NSD2: variants seen among roughly 807,000 people sequenced by gnomAD.
NSD2 encodes the protein nuclear receptor binding SET domain protein 2, also known as histone-lysine N-methyltransferase NSD2.
Under a neutral mutation model 139.0 loss-of-function variants are expected in NSD2, and 12 were observed. That is an observed-to-expected ratio of 0.09 (90% confidence interval 0.06 to 0.14). The LOEUF is 0.14. NSD2 is among the 10% of genes least tolerant of loss of function. NSD2 has a pLI of 1.00. For synonymous variants in NSD2, 669 were observed against 648.7 expected, an observed-to-expected ratio of 1.03 and a Z score of -0.48; for missense variants, 1,155 against 1,745.0, an observed-to-expected ratio of 0.66 and a Z score of 6.02.
At chr4:1,963,729 A>G (rs1231942990) in intron 18 of NSD2, among the ~76,000 whole-genome samples, 1 of 152,230 alleles carries the variant, frequency 6.6e-6, no homozygotes, top group Non-Finnish European at 1.5e-5. Context: ...AAAACAAAAA[A>G]CAAGCTGGGC....
chr4:1,878,833 C>T (rs148295638), intron 1 of NSD2, among the ~76,000 whole-genome samples: 2 of 152,222 alleles, frequency 1.3e-5, no homozygotes, highest in Non-Finnish European at 2.9e-5. Context: ...GCACAGGAGG[C>T]AAGGCTGGGA....
intron 1 of NSD2, among the ~76,000 whole-genome samples, chr4:1,871,801 C>A (rs531084407): frequency 2.9e-5 from 4 of 137,974 alleles, no homozygotes; most frequent in East Asian, 2.2e-4. Flanking sequence ...GAGGACCGGG[C>A]GGACCGCGGA....
chr4:1,934,909 A>ATATATATATATATAT (rs1491516751), intron 6 of NSD2, among the ~76,000 whole-genome samples: 2 of 117,496 alleles, frequency 1.7e-5, no homozygotes, highest in South Asian at 2.9e-4. Context: ...ATATATATAT[A>ATATATATATATATAT]AAAAACAGAT....
In NSD2 at chr4:1,900,852, C is replaced by T. The variant is rs140040537; in HGVS notation, c.198C>T (p.Asn66=). 7.0e-3 allele frequency: 11,279 copies of T among 1,613,608 alleles called. 50 individuals are homozygous for T. Among genetic ancestry groups the T allele is most frequent in the Non-Finnish European group, 8.5e-3 (10,052 of 1,179,702 alleles). Residue 66 remains asparagine (N), a synonymous_variant, in exon 2 of 22, where the codon AAC becomes AAT. Transcript: ENST00000508803. ...AGGAGGGGGTCATGCAGAAGTTTAACGGCCACGACGCCCTGCCCTTTATTC... is the reference window on the plus strand; with the variant it reads ...AGGAGGGGGTCATGCAGAAGTTTAATGGCCACGACGCCCTGCCCTTTATTC... ...SLQEGVMQKF[N]GHDALPFIPA... is the part of the protein sequence containing the mutation.
Position 1,942,942 on chromosome 4 carries a change from GTT to G in NSD2, c.1881+3167_1881+3168del, listed in dbSNP as rs1363372534. 39 of 1,053,416 alleles carry G rather than the reference GTT, an allele frequency of 3.7e-5. No homozygotes were observed. The highest frequency in any genetic ancestry group is 4.3e-4 in the Middle Eastern group (1 of 2,316). The allele number at this position is 1,053,416 out of a possible 1,614,324, so 65.3% of individuals were successfully genotyped here. On this transcript the variant is annotated intron_variant, in intron 9 of 21. Coordinates refer to ENST00000508803, the MANE Select transcript of NSD2 (RefSeq NM_001042424.3). This position sits in a 1 kb window ranked among gnomAD's most constrained non-coding sequence, Gnocchi z 4.0. ...TGATTCTATCCTTTTTTACTAAACA[GTT>G]TTATTATGACACTAGATACAGTAAA...
At chr4:1,917,251 C>T (rs1336416916) in intron 4 of NSD2, among the ~76,000 whole-genome samples, 1 of 151,152 alleles carries the variant, frequency 6.6e-6, no homozygotes, top group Admixed American at 6.6e-5. Context: ...TTTGATGACT[C>T]TCAGAGATAA....
chr4:1,894,162 G>A (rs1715920540), intron 1 of NSD2, among the ~76,000 whole-genome samples: 1 of 151,962 alleles, frequency 6.6e-6, no homozygotes, highest in African/African-American at 2.4e-5. Flanking sequence ...TTACTATGTT[G>A]GCCAGGCTGG....
rs138957998 is a variant in NSD2 at position 1,944,824 on chromosome 4, T to G, written c.1881+5046T>G. On this transcript the variant is annotated intron_variant, in intron 9 of 21. Transcript: ENST00000508803. ...TCAGTGTTCATGCAAAAATTAAATGTCTTTTTTCAGCATACTGACTCCAGG... is the reference window on the plus strand; with the variant it reads ...TCAGTGTTCATGCAAAAATTAAATGGCTTTTTTCAGCATACTGACTCCAGG... The G allele has an allele frequency of 5.6e-6, 6 of 1,063,638 alleles. No homozygotes were observed. The African/African-American group carries it at 9.8e-5, about 17-fold the overall frequency. The allele number at this position is 1,063,638 out of a possible 1,614,324, so 65.9% of individuals were successfully genotyped here. A position where few individuals can be genotyped will look rare whatever the true frequency, so the allele number is the denominator to read the frequency against.
At chr4:1,901,677 C>T (rs917380116) in intron 2 of NSD2, among the ~76,000 whole-genome samples, 13 of 152,166 alleles carry the variant, frequency 8.5e-5, no homozygotes, top group Non-Finnish European at 1.6e-4. Context: ...CTTCTTAAGT[C>T]TGCACCATCT....
intron 3 of NSD2, 152 bp from the exon 4 acceptor site, chr4:1,916,719 G>T: frequency 1.6e-6 from 1 of 618,928 alleles, no homozygotes; most frequent in Non-Finnish European, 2.6e-6. Context: ...TCTTTGGCAT[G>T]TGGCATGGAA....
intron 3 of NSD2, among the ~76,000 whole-genome samples, chr4:1,910,308 C>T (rs1177077140): frequency 6.6e-6 from 1 of 152,130 alleles, no homozygotes; most frequent in East Asian, 1.9e-4. Context: ...TCACTGCAAC[C>T]TCTGTCTCCC....
At chr4:1,887,986 C>T (rs1715241797) in intron 1 of NSD2, among the ~76,000 whole-genome samples, 2 of 152,040 alleles carry the variant, frequency 1.3e-5, no homozygotes, top group Admixed American at 6.6e-5. Flanking sequence ...CCCTATTCTG[C>T]TGCACAGCTG....
At chr4:1,971,278 A>G (rs1338106604) in intron 18 of NSD2, among the ~76,000 whole-genome samples, 1 of 152,194 alleles carries the variant, frequency 6.6e-6, no homozygotes, top group Non-Finnish European at 1.5e-5. Flanking sequence ...TTCAGGCCCT[A>G]CCACTTTCAG....
chr4:1,900,029 A>C (rs1716944590), intron 1 of NSD2, among the ~76,000 whole-genome samples: 1 of 151,972 alleles, frequency 6.6e-6, no homozygotes. Flanking sequence ...TTTGCTTCTT[A>C]TTTTCATCAA....
chr4:1,896,323 T>C (rs570636897), intron 1 of NSD2, among the ~76,000 whole-genome samples: 50 of 152,382 alleles, frequency 3.3e-4, no homozygotes, highest in Admixed American at 2.0e-3. Context: ...CCTATGAGGC[T>C]CCAGACTGCT....
At chr4:1,891,878 A>T (rs573429057) in intron 1 of NSD2, among the ~76,000 whole-genome samples, 3 of 150,504 alleles carry the variant, frequency 2.0e-5, no homozygotes, top group African/African-American at 7.4e-5. Context: ...AAAACAAAAA[A>T]AAACAAACAA....
intron 3 of NSD2, among the ~76,000 whole-genome samples, chr4:1,910,558 TTTTGTTGTCA>T (rs1718532176): frequency 6.6e-6 from 1 of 152,188 alleles, no homozygotes; most frequent in Non-Finnish European, 1.5e-5. Flanking sequence ...TTGTGGAGAT[TTTTGTTGTCA>T]CCTTTTCTGT....
intron 9 of NSD2, chr4:1,944,173 C>T: frequency 9.4e-7 from 1 of 1,066,160 alleles, no homozygotes; most frequent in Non-Finnish European, 1.1e-6. Context: ...GGGACAGTCC[C>T]ATGTGTGGCA....
chr4:1,962,451 C>T lies in NSD2; in HGVS notation c.3372+1300C>T, dbSNP rs1057338674. Among the ~76,000 whole-genome samples the T allele has an allele frequency of 5.3e-5, 8 of 152,232 alleles. No homozygotes were observed. In the East Asian group the frequency reaches 9.6e-4, roughly 18 times the overall value. On this transcript the variant is annotated intron_variant, in intron 18 of 21. Transcript: ENST00000508803. ...ATAGGTATGGAAAGTGTTGTGGCTGCGCAAGAGAATGACTTGTGATGTGTT... is the reference window on the plus strand; with the variant it reads ...ATAGGTATGGAAAGTGTTGTGGCTGTGCAAGAGAATGACTTGTGATGTGTT...
Sources: gnomAD v4.1 joint callset for allele counts (sites outside exome capture counted in the v4.1 genomes callset) on GRCh38, gnomAD v4.1.1 for gene constraint, Gnocchi (gnomAD v3.1) non-coding constraint, MANE v1.5 for transcripts, NCBI Gene and HGNC (gene_info 2026-07-23, HGNC 2026-07-21) for gene names.